The following MAGI2 variants were observed in gnomAD, a reference collection of about 807,000 sequenced individuals.
MAGI2 encodes the protein membrane associated guanylate kinase, WW and PDZ domain containing 2, also known as membrane-associated guanylate kinase, WW and PDZ domain-containing protein 2.
MAGI2 carries 35 observed loss-of-function variants against 133.3 expected under a neutral mutation model. The ratio of observed to expected loss-of-function variants is 0.26; its 90% CI spans 0.20 to 0.35. The LOEUF (loss-of-function observed/expected upper bound fraction) is 0.35, where lower values mean the gene tolerates loss of function less well. Among genes scored for constraint, MAGI2 ranks in the 10% least tolerant of loss-of-function variants. The pLI, the probability that MAGI2 is intolerant of heterozygous loss-of-function variation, is 1.00. For missense variants in MAGI2, 1,636 were observed against 1,863.4 expected (o/e 0.88, Z 2.25); for synonymous variants, 729 against 710.6 (o/e 1.03, Z -0.41).
intron 6 of MAGI2, among the ~76,000 whole-genome samples, chr7:78,386,959 G>T (rs1471893019): frequency 1.6e-4 from 24 of 152,112 alleles, no homozygotes; most frequent in Non-Finnish European, 1.5e-5. Flanking sequence ...ACCATTATTG[G>T]GTCAAGGTGT....
chr7:79,049,207 A>G (rs111407058), intron 1 of MAGI2, among the ~76,000 whole-genome samples: 2 of 152,344 alleles, frequency 1.3e-5, no homozygotes, highest in East Asian at 3.9e-4. Flanking sequence ...TTCAATGAAC[A>G]TTAAATACTT....
chr7:78,427,495 T>C (rs1799390222), intron 6 of MAGI2, among the ~76,000 whole-genome samples: 1 of 152,124 alleles, frequency 6.6e-6, no homozygotes, highest in South Asian at 2.1e-4. Context: ...GAGGAATATT[T>C]CATGATGATG....
At chr7:78,105,793 G>A (rs1818622139) in intron 20 of MAGI2, among the ~76,000 whole-genome samples, 1 of 151,990 alleles carries the variant, frequency 6.6e-6, no homozygotes, top group Non-Finnish European at 1.5e-5. Flanking sequence ...GGCATACAAT[G>A]TGTAATAATC....
At chr7:79,392,391 G>T (rs1844726388) in intron 1 of MAGI2, among the ~76,000 whole-genome samples, 1 of 152,096 alleles carries the variant, frequency 6.6e-6, no homozygotes, top group Non-Finnish European at 1.5e-5. Flanking sequence ...GCATTACTAG[G>T]TCAAATGGTA....
chr7:78,995,242 G>T (rs1469386093), intron 2 of MAGI2, among the ~76,000 whole-genome samples: 3 of 152,022 alleles, frequency 2.0e-5, no homozygotes, highest in African/African-American at 4.8e-5. Flanking sequence ...CTGCATCAAA[G>T]CTGTGTTGGA....
At chr7:79,151,865 T>G (rs1823279189) in intron 1 of MAGI2, among the ~76,000 whole-genome samples, 1 of 149,650 alleles carries the variant, frequency 6.7e-6, no homozygotes, top group African/African-American at 2.4e-5. Flanking sequence ...ACTCCCCTTT[T>G]AGATGCCTTA....
At chr7:78,411,794 T>C (rs1207357113) in intron 6 of MAGI2, among the ~76,000 whole-genome samples, 1 of 152,036 alleles carries the variant, frequency 6.6e-6, no homozygotes, top group Non-Finnish European at 1.5e-5. Context: ...ATAAAGCTTT[T>C]TGTGTACACT....
At chr7:78,544,432 G>A (rs1563148475) in intron 3 of MAGI2, among the ~76,000 whole-genome samples, 1 of 152,156 alleles carries the variant, frequency 6.6e-6, no homozygotes, top group Non-Finnish European at 1.5e-5. Flanking sequence ...CAACTGGCAA[G>A]AGTGTTTGTT....
rs376171940 is a variant in MAGI2, at chr7:78,343,788, T to G, written c.1398A>C (p.Lys466Asn). 1 of 1,555,744 alleles carries G rather than the reference T, an allele frequency of 6.4e-7. No individual in the cohort carries two copies. The highest frequency in any genetic ancestry group is 1.4e-5 in the African/African-American group (1 of 71,914). ...CATGAAGGACCTTACCTGTTTCCAT[T>G]TTTCCATCCTGTGCTGCAGGCCCAT... Reference protein sequence around the residue: ...IPDGPAAQDGKMETGDVIVYI... With the variant: ...IPDGPAAQDGNMETGDVIVYI... The change falls in exon 9 of 22, where the codon AAA becomes AAC. Residue 466 changes from lysine to asparagine, a missense_variant. This residue lies in a region of MAGI2 where 920 missense variants were observed against 1,093.5 expected (regional missense o/e 0.84). Transcript: ENST00000354212.
At chr7:78,611,991 A>C (rs1326950439) in intron 3 of MAGI2, among the ~76,000 whole-genome samples, 1 of 152,144 alleles carries the variant, frequency 6.6e-6, no homozygotes, top group Non-Finnish European at 1.5e-5. Context: ...TTTAAGTCCA[A>C]ATTTGATACC....
intron 7 of MAGI2, among the ~76,000 whole-genome samples, chr7:78,360,299 AT>A (rs1792642571): frequency 6.6e-6 from 1 of 152,144 alleles, no homozygotes; most frequent in Non-Finnish European, 1.5e-5. Context: ...AGAAAGAATT[AT>A]TTTCCAACAC....
chr7:79,049,158 A>G (rs1812447274), intron 1 of MAGI2, among the ~76,000 whole-genome samples: 1 of 152,200 alleles, frequency 6.6e-6, no homozygotes, highest in Non-Finnish European at 1.5e-5. Context: ...GACATGATTA[A>G]AAGTGTGGAT....
intron 2 of MAGI2, among the ~76,000 whole-genome samples, chr7:78,699,724 T>C (rs1441195132): frequency 6.6e-6 from 1 of 152,210 alleles, no homozygotes; most frequent in Non-Finnish European, 1.5e-5. Flanking sequence ...AGTCAGTATC[T>C]TGTGGCTTGT....
intron 6 of MAGI2, among the ~76,000 whole-genome samples, chr7:78,425,328 A>T (rs6466212): frequency 0.3 from 45,191 of 152,030 alleles, 7,079 homozygotes; most frequent in African/African-American, 0.38. Context: ...AGCCACGTGG[A>T]ACTGTAAGTC....
chr7:78,975,341 G>T (rs1336435630), intron 2 of MAGI2, among the ~76,000 whole-genome samples: 4 of 151,650 alleles, frequency 2.6e-5, no homozygotes, highest in Admixed American at 1.3e-4. Flanking sequence ...AGATCACCAA[G>T]AAATTAATCT....
At chr7:78,864,316 C>T (rs1161025196) in intron 2 of MAGI2, among the ~76,000 whole-genome samples, 1 of 152,198 alleles carries the variant, frequency 6.6e-6, no homozygotes, top group Non-Finnish European at 1.5e-5. Context: ...CCTACTTTCA[C>T]TTACACGTAT....
intron 7 of MAGI2, among the ~76,000 whole-genome samples, chr7:78,356,168 G>A (rs755610849): frequency 6.6e-6 from 1 of 152,166 alleles, no homozygotes; most frequent in Non-Finnish European, 1.5e-5. Flanking sequence ...TTATGATAAT[G>A]ATAATAAGGT....
intron 2 of MAGI2, among the ~76,000 whole-genome samples, chr7:78,860,292 G>C (rs530483414): frequency 6.6e-6 from 1 of 152,288 alleles, no homozygotes; most frequent in South Asian, 2.1e-4. Flanking sequence ...TGCTGAGGAG[G>C]AGCTGCATTC....
chr7:78,695,970 C>G (rs1009110290), intron 2 of MAGI2, among the ~76,000 whole-genome samples: 2 of 152,100 alleles, frequency 1.3e-5, no homozygotes, highest in South Asian at 2.1e-4. Context: ...GTGTTTTGCT[C>G]TGCTGCCCAG....
Sources: gnomAD v4.1 joint callset for allele counts (sites outside exome capture counted in the v4.1 genomes callset) on GRCh38, gnomAD v4.1.1 for gene constraint, gnomAD v4.1.1 regional missense constraint, MANE v1.5 for transcripts, NCBI Gene and HGNC (gene_info 2026-07-23, HGNC 2026-07-21) for gene names.